Variants in SMYD3 observed in about 807,000 individuals in gnomAD.
SMYD3 encodes histone-lysine N-methyltransferase SMYD3.
Under a neutral mutation model 57.7 loss-of-function variants are expected in SMYD3, and 36 were observed. The observed-to-expected ratio is 0.62, with a 90% confidence interval of 0.48 to 0.82. SMYD3 has a LOEUF of 0.82. Among genes scored for constraint, SMYD3 ranks in the 40% least tolerant of loss-of-function variants. The pLI is 0.00. For synonymous variants in SMYD3, 211 were observed against 195.0 expected (o/e 1.08, Z -0.68); for missense variants, 515 against 538.8 (o/e 0.96, Z 0.44).
At chr1:245,760,944 G>T (rs2045818958) in intron 11 of SMYD3, among the ~76,000 whole-genome samples, 1 of 152,208 alleles carries the variant, frequency 6.6e-6, no homozygotes, top group African/African-American at 2.4e-5. Flanking sequence ...CTCAAAACAA[G>T]TCTATGGGAT....
intron 1 of SMYD3, among the ~76,000 whole-genome samples, chr1:246,402,776 C>A (rs1479536237): frequency 2.0e-5 from 3 of 152,198 alleles, no homozygotes; most frequent in Non-Finnish European, 4.4e-5. Flanking sequence ...ACAATAGCCA[C>A]CTGCAACGAG....
At chr1:245,758,845 G>T (rs1474958660) in intron 11 of SMYD3, among the ~76,000 whole-genome samples, 1 of 152,160 alleles carries the variant, frequency 6.6e-6, no homozygotes, top group Non-Finnish European at 1.5e-5. Context: ...TTAAGATTGA[G>T]ATATTCCTGG....
At chr1:246,386,831 CTGTTATACATTATAAGAT>C (rs1394387873) in intron 1 of SMYD3, among the ~76,000 whole-genome samples, 3 of 151,678 alleles carry the variant, frequency 2.0e-5, no homozygotes, top group Non-Finnish European at 4.4e-5. Context: ...GATGTGAATC[CTGTTATACATTATAAGAT>C]TGTTATACAA....
chr1:246,339,950 T>C (rs2148678929), intron 2 of SMYD3, among the ~76,000 whole-genome samples: 1 of 152,318 alleles, frequency 6.6e-6, no homozygotes, highest in East Asian at 1.9e-4. Context: ...ACCAGCCAAA[T>C]AAACTTCTAT....
intron 5 of SMYD3, among the ~76,000 whole-genome samples, chr1:246,095,389 G>A (rs1313622112): frequency 2.0e-5 from 3 of 152,238 alleles, no homozygotes; most frequent in African/African-American, 7.2e-5. Flanking sequence ...GCAGAAGTGA[G>A]TGCACACAGG....
At chr1:246,131,933 G>A (rs1042503085) in intron 5 of SMYD3, among the ~76,000 whole-genome samples, 44 of 152,116 alleles carry the variant, frequency 2.9e-4, no homozygotes, top group Non-Finnish European at 3.7e-4. Flanking sequence ...AATTCTTGAT[G>A]TCCTTCTGAG....
At chr1:246,380,418 C>T (rs1572441613) in intron 1 of SMYD3, among the ~76,000 whole-genome samples, 1 of 152,102 alleles carries the variant, frequency 6.6e-6, no homozygotes, top group Non-Finnish European at 1.5e-5. Context: ...CATCTATTTC[C>T]CCCCAGAGAA....
intron 1 of SMYD3, among the ~76,000 whole-genome samples, chr1:246,366,472 G>A (rs986307693): frequency 6.6e-6 from 1 of 152,016 alleles, no homozygotes; most frequent in South Asian, 2.1e-4. Context: ...CCCCCTGGCA[G>A]GCTCCCCTGC....
Position 246,186,373 on chromosome 1 carries a change from C to T in SMYD3, c.531+140828G>A, listed in dbSNP as rs551484269. ...CTGCATTTTATGGACAAGAACCAGG[C>T]GCTTTACTGTCTATTTTCTGCAGCA... On this transcript the variant is annotated intron_variant, in intron 5 of 11. Transcript: ENST00000490107. Among the ~76,000 whole-genome samples, 187 of 152,212 alleles carry T rather than the reference C, an allele frequency of 1.2e-3. 1 individual carries two copies. The highest frequency in any genetic ancestry group is 4.1e-3 in the African/African-American group (169 of 41,526).
chr1:245,993,366 T>C lies in SMYD3; in HGVS notation c.532-63429A>G, dbSNP rs539614239. On this transcript the variant is annotated intron_variant, in intron 5 of 11. Transcript: ENST00000490107. ...TACTCTCTAACAGAGGGTATGGAAA[T>C]GATGCAAGTCAGTACACTATAAAAT... Among the ~76,000 whole-genome samples the C allele has an allele frequency of 2.6e-5, 4 of 152,198 alleles. No homozygotes were observed. In the South Asian group the frequency reaches 8.3e-4, roughly 32 times the overall value.
chr1:246,190,132 G>A (rs1026202163), intron 5 of SMYD3, among the ~76,000 whole-genome samples: 1 of 152,158 alleles, frequency 6.6e-6, no homozygotes, highest in Non-Finnish European at 1.5e-5. Flanking sequence ...TAAGACCCAA[G>A]TTTATCACTT....
At chr1:246,008,528 A>G (rs10924445) in intron 5 of SMYD3, among the ~76,000 whole-genome samples, 98,469 of 152,012 alleles carry the variant, frequency 0.65, 33,678 homozygotes, top group Non-Finnish European at 0.77. Flanking sequence ...AGGGCATAAG[A>G]GCTGTAAGAA....
chr1:246,453,675 A>G (rs1161824994), intron 1 of SMYD3, among the ~76,000 whole-genome samples: 1 of 152,186 alleles, frequency 6.6e-6, no homozygotes, highest in Non-Finnish European at 1.5e-5. Flanking sequence ...ACAGGGTTGA[A>G]AGCAAACCAG....
chr1:246,104,804 C>T (rs1381086061), intron 5 of SMYD3, among the ~76,000 whole-genome samples: 1 of 152,172 alleles, frequency 6.6e-6, no homozygotes, highest in Non-Finnish European at 1.5e-5. Flanking sequence ...GTTGAAACCA[C>T]CTCTATGTCC....
chr1:246,286,193 AAAGT>A (rs1326216355), intron 5 of SMYD3, among the ~76,000 whole-genome samples: 3 of 152,238 alleles, frequency 2.0e-5, no homozygotes, highest in Non-Finnish European at 4.4e-5. Flanking sequence ...TTCTGATTCT[AAAGT>A]AAAACCTCCA....
intron 1 of SMYD3, among the ~76,000 whole-genome samples, chr1:246,446,885 C>T (rs1035149171): frequency 2.0e-5 from 3 of 152,020 alleles, no homozygotes; most frequent in Non-Finnish European, 4.4e-5. Flanking sequence ...AAAAATTAGC[C>T]AGTCATGCTA....
At chr1:246,050,981 G>A (rs1032311646) in intron 5 of SMYD3, among the ~76,000 whole-genome samples, 4 of 151,862 alleles carry the variant, frequency 2.6e-5, no homozygotes, top group African/African-American at 9.7e-5. Flanking sequence ...TATGATGAGA[G>A]GTAAAAGGAT....
chr1:246,449,657 G>A (rs1040011949), intron 1 of SMYD3, among the ~76,000 whole-genome samples: 4 of 152,136 alleles, frequency 2.6e-5, no homozygotes, highest in South Asian at 2.1e-4. Context: ...TTTCCTCACT[G>A]ATGTTCTCCA....
intron 10 of SMYD3, among the ~76,000 whole-genome samples, chr1:245,774,507 G>A (rs10924333): frequency 0.042 from 6,447 of 152,292 alleles, 321 homozygotes; most frequent in East Asian, 0.28. Flanking sequence ...AAGAGCTGAA[G>A]GGTGCAGGGC....
Sources: gnomAD v4.1 joint callset for allele counts (sites outside exome capture counted in the v4.1 genomes callset) on GRCh38, gnomAD v4.1.1 for gene constraint, MANE v1.5 for transcripts, NCBI Gene and HGNC (gene_info 2026-07-23, HGNC 2026-07-21) for gene names.